DACH2: variants seen among roughly 807,000 people sequenced by gnomAD.
DACH2 encodes dachshund homolog 2.
DACH2 carries 17 observed loss-of-function variants against 35.8 expected under a neutral mutation model. That is an observed-to-expected ratio of 0.48 (90% confidence interval 0.33 to 0.71). The LOEUF (loss-of-function observed/expected upper bound fraction) is 0.71. DACH2 is among the 30% of genes least tolerant of loss of function. The probability of loss-of-function intolerance (pLI) is 0.02; values close to 1 mark genes in which losing one functional copy is unlikely to be tolerated. For synonymous variants in DACH2, 195 were observed against 177.3 expected (o/e 1.10, Z -0.79); for missense variants, 469 against 472.7 (o/e 0.99, Z 0.07).
chrX:86,456,781 A>AT (rs773921082), intron 2 of DACH2, among the ~76,000 whole-genome samples: 213 of 103,775 alleles, frequency 2.1e-3, no homozygotes, highest in South Asian at 3.7e-3. Context: ...ATTGCCCTCA[A>AT]TTTTTTTTTT....
At chrX:86,449,317 A>T (rs2037323347) in intron 2 of DACH2, among the ~76,000 whole-genome samples, 1 of 92,033 alleles carries the variant, frequency 1.1e-5, no homozygotes, top group African/African-American at 4.0e-5. Flanking sequence ...CTCTGATTTT[A>T]GTTATTTGTT....
At chrX:86,689,479 G>T (rs1421434354) in intron 4 of DACH2, among the ~76,000 whole-genome samples, 2 of 111,381 alleles carry the variant, frequency 1.8e-5, no homozygotes, top group East Asian at 5.7e-4. Flanking sequence ...GTTTAATTAT[G>T]ATTTAAAATA....
chrX:86,523,722 C>T (rs759164953), intron 3 of DACH2, among the ~76,000 whole-genome samples: 18 of 109,430 alleles, frequency 1.6e-4, no homozygotes, highest in African/African-American at 5.6e-4. Flanking sequence ...CAGGATAAGT[C>T]GAATCCTAAG....
At chrX:86,414,905 G>C (rs2036677113) in intron 2 of DACH2, among the ~76,000 whole-genome samples, 1 of 111,497 alleles carries the variant, frequency 9.0e-6, no homozygotes, top group Non-Finnish European at 1.9e-5. Context: ...TTATTAGTCA[G>C]GGTTCCCTAG....
intron 1 of DACH2, among the ~76,000 whole-genome samples, chrX:86,282,380 C>T (rs1400587315): frequency 9.0e-6 from 1 of 111,385 alleles, no homozygotes; most frequent in African/African-American, 3.3e-5. Context: ...TTTGACAAAC[C>T]TGACAAAAAC....
intron 2 of DACH2, among the ~76,000 whole-genome samples, chrX:86,450,530 C>T (rs769444481): frequency 9.0e-6 from 1 of 111,238 alleles, no homozygotes; most frequent in Non-Finnish European, 1.9e-5. Flanking sequence ...CTGCAATGAA[C>T]ATACACATGC....
intron 4 of DACH2, among the ~76,000 whole-genome samples, chrX:86,667,871 C>G (rs1271187924): frequency 8.9e-6 from 1 of 111,893 alleles, no homozygotes; most frequent in Admixed American, 9.5e-5. Flanking sequence ...CTACTTGAAA[C>G]AAACTTTCCA....
At chrX:86,482,450 G>A (rs1025255297) in intron 2 of DACH2, among the ~76,000 whole-genome samples, 1 of 111,238 alleles carries the variant, frequency 9.0e-6, no homozygotes, top group African/African-American at 3.3e-5. Flanking sequence ...TGGACATTTG[G>A]GTTGGTTCCA....
At chrX:86,277,158 A>T (rs1430570833) in intron 1 of DACH2, among the ~76,000 whole-genome samples, 4 of 111,742 alleles carry the variant, frequency 3.6e-5, no homozygotes, top group Non-Finnish European at 5.6e-5. Context: ...CTTCTAATTT[A>T]TATCCATGGA....
chrX:86,444,175 T>G (rs2037219321), intron 2 of DACH2, among the ~76,000 whole-genome samples: 1 of 111,804 alleles, frequency 8.9e-6, no homozygotes, highest in African/African-American at 3.3e-5. Context: ...ACTGTAGCCT[T>G]GAACTCAGCT....
intron 11 of DACH2, among the ~76,000 whole-genome samples, chrX:86,825,428 AG>A (rs66622078): frequency 0.42 from 45,160 of 108,036 alleles, 7,546 homozygotes; most frequent in African/African-American, 0.54. Flanking sequence ...GAAAAAAAAA[AG>A]GAAAAAAGAA....
chrX:86,373,361 A>G (rs2035917997), intron 1 of DACH2, among the ~76,000 whole-genome samples: 1 of 111,310 alleles, frequency 9.0e-6, no homozygotes, highest in Non-Finnish European at 1.9e-5. Context: ...GTACAGAAAG[A>G]TCACTGGCTT....
chrX:86,180,297 T>C (rs191446948), intron 1 of DACH2, among the ~76,000 whole-genome samples: 1,143 of 102,036 alleles, frequency 0.011, 6 homozygotes, highest in Non-Finnish European at 0.017. Flanking sequence ...TTTTAGAACC[T>C]CTCAAAATTT....
At chrX:86,224,394 T>A (rs756196679) in intron 1 of DACH2, among the ~76,000 whole-genome samples, 1 of 111,952 alleles carries the variant, frequency 8.9e-6, no homozygotes, top group Non-Finnish European at 1.9e-5. Flanking sequence ...TATCTGATGG[T>A]TAACACTGAT....
At chrX:86,751,365 G>T (rs1169769811) in intron 7 of DACH2, among the ~76,000 whole-genome samples, 1 of 109,986 alleles carries the variant, frequency 9.1e-6, no homozygotes, top group East Asian at 2.9e-4. Context: ...CAGAACTAAA[G>T]ACAAAAACCA....
chrX:86,236,057 T>C (rs2033048834), intron 1 of DACH2, among the ~76,000 whole-genome samples: 1 of 111,381 alleles, frequency 9.0e-6, no homozygotes, highest in African/African-American at 3.3e-5. Context: ...CACTTGAACC[T>C]GAGAAGTGGA....
At chrX:86,240,363 A>G (rs2033138487) in intron 1 of DACH2, among the ~76,000 whole-genome samples, 1 of 110,756 alleles carries the variant, frequency 9.0e-6, no homozygotes, top group African/African-American at 3.3e-5. Flanking sequence ...CTCAAACTCA[A>G]ATTATTTGAG....
chrX:86,439,683 T>G (rs1196068494), intron 2 of DACH2, among the ~76,000 whole-genome samples: 1 of 111,809 alleles, frequency 8.9e-6, no homozygotes, highest in Non-Finnish European at 1.9e-5. Flanking sequence ...TTTGCTTTTT[T>G]CTTTTTTTAG....
At chrX:86,163,151 A>G (rs757199730) in intron 1 of DACH2, among the ~76,000 whole-genome samples, 1 of 110,021 alleles carries the variant, frequency 9.1e-6, no homozygotes, top group African/African-American at 3.3e-5. Flanking sequence ...CATTCCCTCT[A>G]TTTTTTTTGT....
Sources: gnomAD v4.1 joint callset for allele counts (sites outside exome capture counted in the v4.1 genomes callset) on GRCh38, gnomAD v4.1.1 for gene constraint, MANE v1.5 for transcripts, NCBI Gene and HGNC (gene_info 2026-07-23, HGNC 2026-07-21) for gene names.